The following PDZD2 variants were observed in gnomAD, a reference collection of about 807,000 sequenced individuals.
PDZD2 encodes PDZ domain containing 2, also known as PDZ domain-containing protein 2.
Under a neutral mutation model 220.7 loss-of-function variants are expected in PDZD2, and 90 were observed. The observed-to-expected ratio is 0.41, with a 90% confidence interval of 0.34 to 0.49. The LOEUF (loss-of-function observed/expected upper bound fraction) is 0.49, where lower values mean the gene tolerates loss of function less well. Ranked by LOEUF, PDZD2 falls within the 20% of genes least tolerant of loss-of-function variation. The pLI, the probability that PDZD2 is intolerant of heterozygous loss-of-function variation, is 0.28. For missense variants in PDZD2, 3,174 were observed against 3,608.5 expected (o/e 0.88, Z 3.08); for synonymous variants, 1,375 against 1,450.5 (o/e 0.95, Z 1.18).
chr5:31,690,899 A>T (rs1747091892), intron 1 of PDZD2, among the ~76,000 whole-genome samples: 1 of 152,210 alleles, frequency 6.6e-6, no homozygotes, highest in South Asian at 2.1e-4. Flanking sequence ...GATGATGATG[A>T]TGATGACCAT....
intron 1 of PDZD2, among the ~76,000 whole-genome samples, chr5:31,657,701 C>T (rs545817799): frequency 6.6e-6 from 1 of 152,208 alleles, no homozygotes; most frequent in South Asian, 2.1e-4. Context: ...GTCATGAGAC[C>T]GTGTGATCCA....
chr5:31,909,946 A>G (rs1351267877), intron 2 of PDZD2, among the ~76,000 whole-genome samples: 2 of 152,208 alleles, frequency 1.3e-5, no homozygotes. Flanking sequence ...ACCCTGCCAC[A>G]GTTCCTCCAT....
intron 1 of PDZD2, among the ~76,000 whole-genome samples, chr5:31,680,160 G>A (rs1442648176): frequency 2.6e-5 from 4 of 152,156 alleles, no homozygotes; most frequent in African/African-American, 7.2e-5. Context: ...GATGGAGTAG[G>A]TGTCACCAGA....
chr5:31,801,642 C>T (rs1225452998), intron 2 of PDZD2, among the ~76,000 whole-genome samples: 1 of 152,166 alleles, frequency 6.6e-6, no homozygotes, highest in Admixed American at 6.5e-5. Flanking sequence ...GGGGCTGCCT[C>T]CTTGGGTTCC....
intron 2 of PDZD2, among the ~76,000 whole-genome samples, chr5:31,881,187 C>G (rs1455031820): frequency 6.6e-6 from 1 of 151,936 alleles, no homozygotes; most frequent in Admixed American, 6.6e-5. Context: ...AAATCTTTTT[C>G]TCTGTGGTCT....
intron 2 of PDZD2, among the ~76,000 whole-genome samples, chr5:31,809,958 G>A (rs928170166): frequency 1.4e-4 from 21 of 152,160 alleles, no homozygotes; most frequent in Non-Finnish European, 2.8e-4. Flanking sequence ...TTGAGCCATG[G>A]AAGATGGAAA....
intron 6 of PDZD2, among the ~76,000 whole-genome samples, chr5:32,020,058 TA>T (rs764347624): frequency 2.1e-5 from 3 of 141,130 alleles, no homozygotes; most frequent in Non-Finnish European, 3.1e-5. Context: ...CATATATATA[TA>T]TTTTTTTAAT....
intron 19 of PDZD2, chr5:32,077,836 A>T (rs1193747972): frequency 2.4e-6 from 1 of 424,098 alleles, no homozygotes; most frequent in Non-Finnish European, 4.4e-6. Context: ...GCGCACCTTT[A>T]ATCCCAGCTA....
intron 13 of PDZD2, among the ~76,000 whole-genome samples, chr5:32,060,538 C>T (rs1739570223): frequency 6.6e-6 from 1 of 152,056 alleles, no homozygotes; most frequent in Non-Finnish European, 1.5e-5. Context: ...TGCTGGTGGT[C>T]GAGGGGTTCT....
intron 2 of PDZD2, among the ~76,000 whole-genome samples, chr5:31,922,010 T>C (rs1355034119): frequency 6.6e-6 from 1 of 152,190 alleles, no homozygotes; most frequent in Non-Finnish European, 1.5e-5. Flanking sequence ...GTTTTCAAAC[T>C]GTTTTAGATA....
intron 6 of PDZD2, among the ~76,000 whole-genome samples, chr5:32,011,577 A>G (rs1166199227): frequency 2.0e-5 from 3 of 151,868 alleles, no homozygotes; most frequent in African/African-American, 7.3e-5. Context: ...TTTAGTGTGA[A>G]CTCTTATTAG....
At chr5:32,084,458 ACTCTTAGC>A (rs1274531818) in intron 19 of PDZD2, among the ~76,000 whole-genome samples, 1 of 152,036 alleles carries the variant, frequency 6.6e-6, no homozygotes, top group Non-Finnish European at 1.5e-5. Flanking sequence ...TGTGTACAAA[ACTCTTAGC>A]ACAGTGTTAA....
chr5:32,077,622 C>T lies in PDZD2; in HGVS notation c.3682+16C>T. ...CCCATGACTGGTAAGATTATTTTCC[C>T]ATTTGTTAATCTTAAAGTAGGTGGG... is the stretch of plus-strand genomic sequence containing the variant. On this transcript the variant is annotated intron_variant, in intron 19 of 24. Coordinates refer to ENST00000438447, the MANE Select transcript of PDZD2 (RefSeq NM_178140.4). 1 of 1,613,066 alleles carries T rather than the reference C, an allele frequency of 6.2e-7. No homozygotes were observed. Among genetic ancestry groups the T allele is most frequent in the South Asian group, 1.1e-5 (1 of 91,062 alleles).
intron 8 of PDZD2, among the ~76,000 whole-genome samples, chr5:32,051,175 G>C (rs1738507870): frequency 1.3e-5 from 2 of 152,118 alleles, no homozygotes. Context: ...ACCAGAGAAA[G>C]AGTTCCCTTA....
chr5:31,644,703 C>G (rs1745072093), intron 1 of PDZD2, among the ~76,000 whole-genome samples: 1 of 152,076 alleles, frequency 6.6e-6, no homozygotes, highest in African/African-American at 2.4e-5. Flanking sequence ...TCTGGCTGCT[C>G]CATGCATGCA....
At chr5:32,044,015 G>A (rs932147528) in intron 7 of PDZD2, among the ~76,000 whole-genome samples, 10 of 152,126 alleles carry the variant, frequency 6.6e-5, no homozygotes, top group Non-Finnish European at 1.5e-5. Flanking sequence ...GGAAGAATGG[G>A]TTTGAATGGG....
At chr5:31,901,294 T>A (rs925494226) in intron 2 of PDZD2, among the ~76,000 whole-genome samples, 3 of 152,060 alleles carry the variant, frequency 2.0e-5, no homozygotes, top group Non-Finnish European at 4.4e-5. Context: ...GGCATGTGCC[T>A]GTAATCCCAC....
chr5:32,039,923 G>A (rs1755910818), intron 7 of PDZD2, among the ~76,000 whole-genome samples: 1 of 133,034 alleles, frequency 7.5e-6, no homozygotes, highest in African/African-American at 2.9e-5. Context: ...CTGGGAGGAA[G>A]TGAGGAGCGC....
chr5:32,004,008 A>G (rs1752612661), intron 5 of PDZD2, among the ~76,000 whole-genome samples: 1 of 152,060 alleles, frequency 6.6e-6, no homozygotes, highest in Non-Finnish European at 1.5e-5. Flanking sequence ...CACTGCATCC[A>G]GCCTCTCCTG....
Sources: allele counts gnomAD v4.1 joint callset (sites outside exome capture counted in the v4.1 genomes callset), GRCh38; gene constraint gnomAD v4.1.1; transcripts MANE v1.5; gene names NCBI Gene and HGNC (gene_info 2026-07-23, HGNC 2026-07-21).